ANO4: variants seen among roughly 807,000 people sequenced by gnomAD.
ANO4 encodes the protein anoctamin 4.
Under a neutral mutation model 141.9 loss-of-function variants are expected in ANO4, and 69 were observed. The observed-to-expected ratio is 0.49, with a 90% CI of 0.40 to 0.59. The LOEUF is 0.59. Among genes scored for constraint, ANO4 ranks in the 20% least tolerant of loss-of-function variants. The probability of loss-of-function intolerance (pLI) is 0.00; values close to 1 mark genes in which losing one functional copy is unlikely to be tolerated. For synonymous variants in ANO4, 350 were observed against 394.3 expected (o/e 0.89, Z 1.33); for missense variants, 894 against 1,162.2 (o/e 0.77, Z 3.36).
intron 22 of ANO4, among the ~76,000 whole-genome samples, chr12:101,102,130 A>T (rs1049311042): frequency 1.3e-5 from 2 of 152,156 alleles, no homozygotes; most frequent in African/African-American, 4.8e-5. Flanking sequence ...TCTACTGCTG[A>T]TAGACACTTG....
rs1364536909 is a variant in ANO4 at position 101,037,001 on chromosome 12, G to A, written c.842-94G>A. 5 of 1,270,724 alleles carry A rather than the reference G, an allele frequency of 3.9e-6. No individual in the cohort carries two copies. The East Asian group carries it at 7.1e-5, about 18-fold the overall frequency. 78.7% of individuals were successfully genotyped at this position (1,270,724 alleles called of 1,614,324 possible). A position where few individuals can be genotyped will look rare whatever the true frequency, so the allele number is the denominator to read the frequency against. On this transcript the variant is annotated intron_variant, in intron 9 of 27. Coordinates refer to ENST00000392977, the MANE Select transcript of ANO4 (RefSeq NM_001286615.2). ...CCTAAGAGGGTTGATAGCCTAGATT[G>A]TTTCCTCCAAAAAGCACCACACTTA...
chr12:101,009,239 A>T (rs2045984230), intron 8 of ANO4, among the ~76,000 whole-genome samples: 1 of 152,170 alleles, frequency 6.6e-6, no homozygotes, highest in Non-Finnish European at 1.5e-5. Flanking sequence ...AAACACAGAC[A>T]TACACACAGA....
At chr12:101,087,885 T>G (rs1292571989) in intron 17 of ANO4, among the ~76,000 whole-genome samples, 1 of 152,166 alleles carries the variant, frequency 6.6e-6, no homozygotes, top group African/African-American at 2.4e-5. Context: ...CCCACCCTGG[T>G]CCAAGTCTGC....
At chr12:101,017,096 A>G (rs898009127) in intron 8 of ANO4, among the ~76,000 whole-genome samples, 1 of 152,172 alleles carries the variant, frequency 6.6e-6, no homozygotes, top group African/African-American at 2.4e-5. Flanking sequence ...TCACGCTGCT[A>G]ATAAAGACAC....
At chr12:100,953,636 G>A (rs924289526) in intron 5 of ANO4, among the ~76,000 whole-genome samples, 7 of 152,182 alleles carry the variant, frequency 4.6e-5, no homozygotes, top group Non-Finnish European at 8.8e-5. Context: ...TATATCAGAT[G>A]TAATAGGTAT....
Position 101,097,692 on chromosome 12 carries a change from G to A in ANO4, c.1892G>A (p.Arg631Lys). 6.2e-7 allele frequency: 1 copy of A among 1,613,834 alleles called. No individual in the cohort carries two copies. The highest frequency in any genetic ancestry group is 2.2e-5 in the East Asian group (1 of 44,864). ...GGTGCCTACTTGAGGCTGATAAACAGGTGGAGACTAGAAGAGGTCTGTATT... is the reference window on the plus strand; with the variant it reads ...GGTGCCTACTTGAGGCTGATAAACAAGTGGAGACTAGAAGAGGTCTGTATT... ...HPGAYLRLINRWRLEECHPSG... is the reference protein window; with the variant it reads ...HPGAYLRLINKWRLEECHPSG... The change falls in exon 20 of 28, where the codon AGG (arginine) becomes AAG (lysine). Residue 631 changes from arginine to lysine, a missense_variant. Physicochemically the swap from Arg to Lys is conservative, Grantham distance 26. This residue lies in a region of ANO4 where 637 missense variants were observed against 909.2 expected (regional missense o/e 0.70). Coordinates refer to ENST00000392977, the MANE Select transcript of ANO4 (RefSeq NM_001286615.2).
In ANO4 at chr12:100,970,288, C is replaced by T. The variant is rs540690110; in HGVS notation, c.457-1018C>T. ...TTGACAACCTAAATCAAAGTGGTTTCCCAGTGTTCCTAGAATAAAGTGCGC... is the reference window on the plus strand; with the variant it reads ...TTGACAACCTAAATCAAAGTGGTTTTCCAGTGTTCCTAGAATAAAGTGCGC... On this transcript the variant is annotated intron_variant, in intron 5 of 27. Coordinates refer to ENST00000392977, the MANE Select transcript of ANO4 (RefSeq NM_001286615.2). 2.6e-5 allele frequency among the ~76,000 whole-genome samples: 4 copies of T among 152,336 alleles called. No individual in the cohort carries two copies. The East Asian group carries it at 7.7e-4, about 29-fold the overall frequency.
At chr12:100,839,232 G>T (rs939573662) in intron 1 of ANO4, among the ~76,000 whole-genome samples, 2 of 152,040 alleles carry the variant, frequency 1.3e-5, no homozygotes, top group Non-Finnish European at 2.9e-5. Flanking sequence ...GCAGAATGGG[G>T]GCCAGTGGCT....
At chr12:100,795,881 A>G (rs1038080854) in intron 1 of ANO4, among the ~76,000 whole-genome samples, 3 of 152,142 alleles carry the variant, frequency 2.0e-5, no homozygotes, top group Non-Finnish European at 2.9e-5. Context: ...TACTCTTACA[A>G]TAGTGCTCTA....
chr12:101,098,680 T>C (rs73156647), intron 21 of ANO4, among the ~76,000 whole-genome samples: 13,776 of 152,224 alleles, frequency 0.09, 733 homozygotes, highest in Admixed American at 0.14. Flanking sequence ...TATAAAACTT[T>C]TAAAAAATAA....
intron 1 of ANO4, among the ~76,000 whole-genome samples, chr12:100,827,680 T>C (rs1355124470): frequency 6.6e-6 from 1 of 151,956 alleles, no homozygotes; most frequent in African/African-American, 2.4e-5. Flanking sequence ...TAGATTATAA[T>C]CATTTATCAG....
At chr12:100,990,101 A>T (rs1446333050) in intron 8 of ANO4, among the ~76,000 whole-genome samples, 3 of 152,168 alleles carry the variant, frequency 2.0e-5, no homozygotes, top group Admixed American at 2.0e-4. Context: ...GAATAAATGA[A>T]GTAAGTGGTA....
intron 1 of ANO4, among the ~76,000 whole-genome samples, chr12:100,873,966 T>G (rs1269138820): frequency 6.6e-6 from 1 of 152,184 alleles, no homozygotes; most frequent in Admixed American, 6.5e-5. Flanking sequence ...TCCTAGCTGC[T>G]CCAGCTCCAG....
chr12:100,917,907 A>G (rs901460419), intron 2 of ANO4, among the ~76,000 whole-genome samples: 1 of 152,220 alleles, frequency 6.6e-6, no homozygotes, highest in Non-Finnish European at 1.5e-5. Context: ...ATTAAATTGG[A>G]TATTTCACAT....
At chr12:100,798,774 G>A (rs1263372111) in intron 1 of ANO4, among the ~76,000 whole-genome samples, 1 of 152,216 alleles carries the variant, frequency 6.6e-6, no homozygotes, top group Non-Finnish European at 1.5e-5. Flanking sequence ...CAGTCAGGCT[G>A]TTTGCTCTTA....
At chr12:100,978,753 G>A (rs1452436899) in intron 7 of ANO4, among the ~76,000 whole-genome samples, 1 of 152,204 alleles carries the variant, frequency 6.6e-6, no homozygotes, top group Non-Finnish European at 1.5e-5. Context: ...GGAGAATGAG[G>A]TTCTGACACC....
chr12:100,960,407 T>C (rs2043364153), intron 5 of ANO4, among the ~76,000 whole-genome samples: 1 of 152,132 alleles, frequency 6.6e-6, no homozygotes. Flanking sequence ...CAGTTTTGTA[T>C]AACCTTTAGG....
intron 14 of ANO4, chr12:101,068,941 C>T: frequency 1.3e-6 from 1 of 797,152 alleles, no homozygotes; most frequent in East Asian, 2.5e-5. Context: ...TGCTAAGGAT[C>T]TCTTACACAG....
chr12:101,067,537 G>C (rs2048642340), intron 14 of ANO4, among the ~76,000 whole-genome samples: 4 of 152,156 alleles, frequency 2.6e-5, no homozygotes, highest in Admixed American at 2.6e-4. Flanking sequence ...TAAGAAATTA[G>C]CTGAGCATGG....
Sources: allele counts gnomAD v4.1 joint callset (sites outside exome capture counted in the v4.1 genomes callset), GRCh38; gene constraint gnomAD v4.1.1; regional missense constraint gnomAD v4.1.1; transcripts MANE v1.5; gene names NCBI Gene and HGNC (gene_info 2026-07-23, HGNC 2026-07-21).